Variants in DENND5B observed in about 807,000 individuals in gnomAD.
The protein encoded by DENND5B is DENN domain-containing protein 5B.
In DENND5B, 34 loss-of-function variants were observed where a neutral mutation model predicts 140.6. The ratio of observed to expected loss-of-function variants is 0.24; its 90% CI spans 0.18 to 0.32. DENND5B has a LOEUF of 0.32. DENND5B is among the 10% of genes least tolerant of loss of function. The probability of loss-of-function intolerance (pLI) is 1.00; values close to 1 mark genes in which losing one functional copy is unlikely to be tolerated. For missense variants in DENND5B, 1,142 were observed against 1,560.2 expected, an observed-to-expected ratio of 0.73 and a Z score of 4.52; for synonymous variants, 551 against 562.1, an observed-to-expected ratio of 0.98 and a Z score of 0.28.
At chr12:31,468,020 G>A (rs1237682686) in intron 3 of DENND5B, among the ~76,000 whole-genome samples, 1 of 151,962 alleles carries the variant, frequency 6.6e-6, no homozygotes, top group Admixed American at 6.6e-5. Flanking sequence ...TTGAGAGGCC[G>A]AGGTGAAAGA....
chr12:31,435,156 G>C (rs1379999046), intron 7 of DENND5B, among the ~76,000 whole-genome samples: 1 of 151,856 alleles, frequency 6.6e-6, no homozygotes, highest in Non-Finnish European at 1.5e-5. Context: ...TACCCACACA[G>C]ACTAGTTCCC....
chr12:31,495,160 C>T (rs913886360), intron 2 of DENND5B, among the ~76,000 whole-genome samples: 1 of 152,172 alleles, frequency 6.6e-6, no homozygotes, highest in Non-Finnish European at 1.5e-5. Context: ...TAATCAGGCT[C>T]TTTCCATCAG....
chr12:31,554,099 T>A (rs1353523563), intron 1 of DENND5B, among the ~76,000 whole-genome samples: 4 of 152,228 alleles, frequency 2.6e-5, no homozygotes, highest in Non-Finnish European at 5.9e-5. Flanking sequence ...AATTTGATCC[T>A]GTCATTATGA....
chr12:31,562,117 T>C (rs571933566), intron 1 of DENND5B, among the ~76,000 whole-genome samples: 12 of 152,212 alleles, frequency 7.9e-5, no homozygotes, highest in African/African-American at 2.4e-4. Context: ...TAAACTATTA[T>C]GCTAAACTGT....
chr12:31,443,767 T>C (rs950442631), intron 6 of DENND5B: 6 of 152,216 alleles, frequency 3.9e-5, no homozygotes, highest in African/African-American at 1.4e-4. Flanking sequence ...TACCTCACTT[T>C]TAGCAACAGT....
chr12:31,510,987 T>C (rs1390489158), intron 1 of DENND5B, among the ~76,000 whole-genome samples: 2 of 152,152 alleles, frequency 1.3e-5, no homozygotes, highest in Non-Finnish European at 2.9e-5. Flanking sequence ...TCCTAACATT[T>C]TGGGAGGTCA....
chr12:31,403,375 C>T (rs1313804141), intron 14 of DENND5B, among the ~76,000 whole-genome samples: 1 of 125,590 alleles, frequency 8.0e-6, no homozygotes, highest in Non-Finnish European at 1.7e-5. Flanking sequence ...TGCATGTCCT[C>T]CCTTCTTTTT....
intron 1 of DENND5B, among the ~76,000 whole-genome samples, chr12:31,539,486 C>T (rs1948614994): frequency 6.6e-6 from 1 of 152,158 alleles, no homozygotes; most frequent in Admixed American, 6.5e-5. Context: ...CAACAAAATA[C>T]TAGCAAACCA....
intron 4 of DENND5B, among the ~76,000 whole-genome samples, chr12:31,459,144 G>A (rs542797240): frequency 6.6e-5 from 10 of 151,792 alleles, no homozygotes; most frequent in East Asian, 5.8e-4. Context: ...CCCAGGAGGC[G>A]GTGAGCCAAG....
intron 1 of DENND5B, among the ~76,000 whole-genome samples, chr12:31,550,442 A>G (rs1949010513): frequency 6.6e-6 from 1 of 151,622 alleles, no homozygotes; most frequent in Non-Finnish European, 1.5e-5. Flanking sequence ...TATGTGCCAC[A>G]TTTTCTTAAT....
intron 1 of DENND5B, among the ~76,000 whole-genome samples, chr12:31,517,013 T>G (rs565827344): frequency 6.5e-5 from 8 of 122,264 alleles, no homozygotes; most frequent in Non-Finnish European, 1.8e-5. Context: ...TGTAGATACC[T>G]TCCCTCCTGA....
At chr12:31,472,660 C>T (rs1165355818) in intron 3 of DENND5B, among the ~76,000 whole-genome samples, 1 of 151,996 alleles carries the variant, frequency 6.6e-6, no homozygotes, top group Non-Finnish European at 1.5e-5. Flanking sequence ...GATGGTTTCC[C>T]AAAATTAAAG....
intron 2 of DENND5B, among the ~76,000 whole-genome samples, chr12:31,483,280 A>G (rs549507632): frequency 1.3e-5 from 2 of 152,334 alleles, no homozygotes. Context: ...AAAGAGACAG[A>G]TAAGTATTTT....
chr12:31,420,005 G>C (rs908180598), intron 11 of DENND5B: 2 of 965,974 alleles, frequency 2.1e-6, no homozygotes, highest in African/African-American at 3.6e-5. Flanking sequence ...AGGAAAAAAG[G>C]CAGCATTTCC....
intron 1 of DENND5B, among the ~76,000 whole-genome samples, chr12:31,549,124 T>C (rs1230965929): frequency 6.6e-6 from 1 of 152,184 alleles, no homozygotes; most frequent in Non-Finnish European, 1.5e-5. Context: ...GTTTCTGAAT[T>C]CCTGGCTTCA....
At chr12:31,555,042 C>T (rs899033572) in intron 1 of DENND5B, among the ~76,000 whole-genome samples, 1 of 152,168 alleles carries the variant, frequency 6.6e-6, no homozygotes, top group African/African-American at 2.4e-5. Context: ...TCATCTGAAG[C>T]CTTCTTCTCT....
At chr12:31,548,022 G>C (rs1033544072) in intron 1 of DENND5B, among the ~76,000 whole-genome samples, 7 of 152,178 alleles carry the variant, frequency 4.6e-5, no homozygotes, top group Middle Eastern at 3.4e-3. Flanking sequence ...AAGTTTTAAA[G>C]GCATTTGTCT....
chr12:31,420,754 A>AT (rs1942984312), intron 11 of DENND5B, among the ~76,000 whole-genome samples: 1 of 151,998 alleles, frequency 6.6e-6, no homozygotes, highest in South Asian at 2.1e-4. Flanking sequence ...CTCCCAACGA[A>AT]TTTAAAGGTT....
At chr12:31,446,274 T>C (rs1412851965) in intron 6 of DENND5B, among the ~76,000 whole-genome samples, 1 of 151,846 alleles carries the variant, frequency 6.6e-6, no homozygotes, top group African/African-American at 2.4e-5. Context: ...TCAGCCTCCC[T>C]AGTAGCTGGG....
Sources: allele counts gnomAD v4.1 joint callset (sites outside exome capture counted in the v4.1 genomes callset), GRCh38; gene constraint gnomAD v4.1.1; transcripts MANE v1.5; gene names NCBI Gene and HGNC (gene_info 2026-07-23, HGNC 2026-07-21).